Variants in PLCE1 observed in about 807,000 individuals in gnomAD.
The protein encoded by PLCE1 is 1-phosphatidylinositol 4,5-bisphosphate phosphodiesterase epsilon-1.
Under a neutral mutation model 242.8 loss-of-function variants are expected in PLCE1, and 119 were observed. The observed-to-expected ratio is 0.49, with a 90% CI of 0.42 to 0.57. The LOEUF (loss-of-function observed/expected upper bound fraction) is 0.57. Among genes scored for constraint, PLCE1 ranks in the 20% least tolerant of loss-of-function variants. The probability of loss-of-function intolerance (pLI) is 0.00; values close to 1 mark genes in which losing one functional copy is unlikely to be tolerated. For synonymous variants in PLCE1, 945 were observed against 1,017.4 expected (o/e 0.93, Z 1.35); for missense variants, 2,441 against 2,788.8 (o/e 0.88, Z 2.81).
intron 3 of PLCE1, among the ~76,000 whole-genome samples, chr10:94,164,941 A>C (rs1393095040): frequency 2.0e-5 from 3 of 152,228 alleles, no homozygotes; most frequent in African/African-American, 7.2e-5. Context: ...CAGAGGCTGC[A>C]GAACAGTGGA....
At chr10:93,998,142 G>A (rs981092958) in intron 1 of PLCE1, among the ~76,000 whole-genome samples, 2 of 152,178 alleles carry the variant, frequency 1.3e-5, no homozygotes, top group East Asian at 1.9e-4. Flanking sequence ...GAACTGCAAG[G>A]CTGGTCTGGG....
intron 32 of PLCE1, among the ~76,000 whole-genome samples, chr10:94,326,726 T>C (rs776324371): frequency 2.0e-5 from 3 of 152,252 alleles, no homozygotes; most frequent in Non-Finnish European, 4.4e-5. Flanking sequence ...GTGATTTAGA[T>C]GATTGCCTTT....
intron 2 of PLCE1, among the ~76,000 whole-genome samples, chr10:94,061,710 A>G (rs538458590): frequency 6.6e-6 from 1 of 152,306 alleles, no homozygotes; most frequent in South Asian, 2.1e-4. Context: ...AAAAAAAAAA[A>G]AGAAGTTAAT....
At chr10:94,068,295 C>A (rs757124307) in intron 2 of PLCE1, among the ~76,000 whole-genome samples, 4 of 152,210 alleles carry the variant, frequency 2.6e-5, no homozygotes, top group Non-Finnish European at 5.9e-5. Flanking sequence ...TCCCATCATA[C>A]TCCACGCTTC....
In PLCE1 at chr10:94,171,467, C is replaced by T; in HGVS notation, c.1780C>T (p.Leu594Phe). 6.2e-7 allele frequency: 1 copy of T among 1,614,098 alleles called. No individual in the cohort carries two copies. The highest frequency in any genetic ancestry group is 2.2e-5 in the East Asian group (1 of 44,880). ...LTTQNGEHNA[L>F]EDLVMRFNEV... is the part of the protein sequence containing the mutation. The stretch of plus-strand genomic sequence containing the variant: ...CACTCAGAATGGAGAGCACAATGCC[C>T]TTGAAGATCTGGTGATGAGGTTTAA... Residue 594 changes from leucine to phenylalanine, a missense_variant, in exon 4 of 33, where the codon CTT becomes TTT. Transcript: ENST00000371380.
At chr10:94,290,221 G>A (rs2052597144) in intron 22 of PLCE1, among the ~76,000 whole-genome samples, 1 of 151,312 alleles carries the variant, frequency 6.6e-6, no homozygotes, top group South Asian at 2.1e-4. Context: ...TAGAGACAAG[G>A]GTCTCACTAT....
intron 2 of PLCE1, among the ~76,000 whole-genome samples, chr10:94,082,776 A>G (rs1311806431): frequency 6.6e-6 from 1 of 152,236 alleles, no homozygotes; most frequent in Admixed American, 6.5e-5. Flanking sequence ...AAAATTTCTA[A>G]AAGTTCCACT....
intron 6 of PLCE1, among the ~76,000 whole-genome samples, chr10:94,235,294 T>TA (rs746876490): frequency 6.6e-6 from 1 of 152,030 alleles, no homozygotes; most frequent in Non-Finnish European, 1.5e-5. Context: ...GGAGAAAGCT[T>TA]AAAGGAAGAC....
At chr10:94,176,799 A>T (rs2048139872) in intron 4 of PLCE1, among the ~76,000 whole-genome samples, 1 of 152,186 alleles carries the variant, frequency 6.6e-6, no homozygotes, top group Non-Finnish European at 1.5e-5. Context: ...ATGGACACAA[A>T]TATCTACCAA....
In PLCE1 at chr10:94,330,496, C is replaced by A. The variant is rs2054146216; in HGVS notation, c.*2553C>A. The A allele has an allele frequency of 6.6e-6, 1 of 151,974 alleles. No homozygotes were observed. The highest frequency in any genetic ancestry group is 1.5e-5 in the Non-Finnish European group (1 of 68,020). 9.4% of individuals were successfully genotyped at this position (151,974 alleles called of 1,614,324 possible). On this transcript the variant is annotated 3_prime_UTR_variant, in exon 33 of 33. Transcript: ENST00000371380. Reference sequence around the variant, plus strand: ...GGAGTTCGAGGCCAACATGGTGAAACCCGTCTCTACTAAAAATACAAAAAT... The same window carrying A: ...GGAGTTCGAGGCCAACATGGTGAAAACCGTCTCTACTAAAAATACAAAAAT...
chr10:94,167,205 C>T (rs577890847), intron 3 of PLCE1, among the ~76,000 whole-genome samples: 15 of 152,196 alleles, frequency 9.9e-5, no homozygotes, highest in Admixed American at 4.6e-4. Context: ...GCCGGAGAAT[C>T]GCTTGAACCC....
chr10:94,223,121 C>T (rs1333129266), intron 4 of PLCE1, among the ~76,000 whole-genome samples: 4 of 148,270 alleles, frequency 2.7e-5, no homozygotes, highest in Non-Finnish European at 4.4e-5. Context: ...AATGCCAGGC[C>T]GTGTGTGGTG....
chr10:94,298,743 C>T lies in PLCE1; in HGVS notation c.5458+74C>T. ...TAAATGCAGTTTGACAGCATTTTTT[C>T]AAAGGGGCAAGATTCCAGACTGGGG... On this transcript the variant is annotated intron_variant, in intron 24 of 32. Coordinates refer to ENST00000371380, the MANE Select transcript of PLCE1 (RefSeq NM_016341.4). The surrounding 1 kb of genome is among the most constrained non-coding windows in gnomAD (Gnocchi z 5.2). 2 of 1,500,570 alleles carry T rather than the reference C, an allele frequency of 1.3e-6. No individual in the cohort carries two copies. Among genetic ancestry groups the T allele is most frequent in the Middle Eastern group, 2.0e-4 (1 of 4,988 alleles). The allele number at this position is 1,500,570 out of a possible 1,614,324, so 93.0% of individuals were successfully genotyped here.
intron 4 of PLCE1, among the ~76,000 whole-genome samples, chr10:94,222,646 C>T (rs538558764): frequency 2.0e-5 from 3 of 152,136 alleles, no homozygotes; most frequent in Non-Finnish European, 2.9e-5. Context: ...GGGGCCAGGG[C>T]GTGAGTACAA....
rs1382585182 is a variant in PLCE1, at chr10:94,171,222, C to T, written c.1535C>T (p.Pro512Leu). The T allele has an allele frequency of 1.2e-6, 2 of 1,614,092 alleles. No homozygotes were observed. Among genetic ancestry groups the T allele is most frequent in the African/African-American group, 2.7e-5 (2 of 74,936 alleles). Residue 512 changes from proline to leucine, a missense_variant, in exon 4 of 33, where the codon CCT (proline) becomes CTT (leucine). By Grantham distance (98) the Pro-to-Leu change is moderately conservative (BLOSUM62 -3). Transcript: ENST00000371380. Reference sequence around the variant, plus strand: ...TCTGTGGCCAATTCCAATGCCCTCCCTTCAAGTTCAGCTGGGATCAGCAAG... The same window carrying T: ...TCTGTGGCCAATTCCAATGCCCTCCTTTCAAGTTCAGCTGGGATCAGCAAG... ...GPSVANSNAL[P>L]SSSAGISKEL...
At chr10:94,314,682 G>A (rs1442817192) in intron 28 of PLCE1, among the ~76,000 whole-genome samples, 1 of 152,198 alleles carries the variant, frequency 6.6e-6, no homozygotes, top group African/African-American at 2.4e-5. Context: ...TCCCTCTGAA[G>A]TTAGGGTGTA....
intron 4 of PLCE1, among the ~76,000 whole-genome samples, chr10:94,173,849 T>C (rs541889217): frequency 2.0e-5 from 3 of 152,330 alleles, no homozygotes; most frequent in African/African-American, 4.8e-5. Flanking sequence ...ATACAAATTA[T>C]GGGTATGCTG....
intron 3 of PLCE1, among the ~76,000 whole-genome samples, chr10:94,135,551 C>T (rs952058203): frequency 1.4e-4 from 21 of 152,122 alleles, no homozygotes; most frequent in African/African-American, 5.1e-4. Context: ...GTTCATTTCC[C>T]AGGAGCGATA....
chr10:94,267,376 T>C (rs2051556520), intron 16 of PLCE1, among the ~76,000 whole-genome samples: 1 of 152,186 alleles, frequency 6.6e-6, no homozygotes, highest in Admixed American at 6.5e-5. Context: ...CTCACAGCTT[T>C]TGAATAAGGC....
Sources: gnomAD v4.1 joint callset for allele counts (sites outside exome capture counted in the v4.1 genomes callset) on GRCh38, gnomAD v4.1.1 for gene constraint, Gnocchi (gnomAD v3.1) non-coding constraint, MANE v1.5 for transcripts, NCBI Gene and HGNC (gene_info 2026-07-23, HGNC 2026-07-21) for gene names.